Variants in AFAP1 observed in about 807,000 individuals in gnomAD.
AFAP1 encodes actin filament-associated protein 1.
In AFAP1, 75 loss-of-function variants were observed where a neutral mutation model predicts 93.9. The ratio of observed to expected loss-of-function variants is 0.80; its 90% CI spans 0.66 to 0.97. The LOEUF (loss-of-function observed/expected upper bound fraction) is 0.97. AFAP1 is among the 50% of genes least tolerant of loss of function. AFAP1 has a pLI of 0.00. For synonymous variants in AFAP1, 517 were observed against 430.7 expected, an observed-to-expected ratio of 1.20 and a Z score of -2.48; for missense variants, 1,201 against 1,050.8, an observed-to-expected ratio of 1.14 and a Z score of -1.98.
chr4:7,913,887 T>C (rs1156405427), intron 1 of AFAP1, among the ~76,000 whole-genome samples: 1 of 152,212 alleles, frequency 6.6e-6, no homozygotes, highest in Non-Finnish European at 1.5e-5. Flanking sequence ...CTTTTTCTAA[T>C]TGACACATAA....
chr4:7,861,935 C>T (rs1465809473), intron 3 of AFAP1: 1 of 152,234 alleles, frequency 6.6e-6, no homozygotes, highest in Admixed American at 6.5e-5. Flanking sequence ...CTCAAAGAGC[C>T]TCGTAATGTC....
At chr4:7,786,864 CCT>C (rs945182312) in intron 11 of AFAP1, among the ~76,000 whole-genome samples, 19 of 152,216 alleles carry the variant, frequency 1.2e-4, no homozygotes, top group African/African-American at 4.3e-4. Flanking sequence ...TTCGTGGACC[CCT>C]GTTCTATAAG....
chr4:7,918,860 G>A (rs1385505244), intron 1 of AFAP1, among the ~76,000 whole-genome samples: 1 of 140,634 alleles, frequency 7.1e-6, no homozygotes, highest in Non-Finnish European at 1.5e-5. Context: ...GCTCGGCCCA[G>A]GTCACCAGGA....
intron 3 of AFAP1, among the ~76,000 whole-genome samples, chr4:7,864,767 G>T (rs1269679915): frequency 6.6e-6 from 1 of 152,096 alleles, no homozygotes; most frequent in Non-Finnish European, 1.5e-5. Flanking sequence ...TGAAAAAAAT[G>T]AGTGCCAAAG....
intron 1 of AFAP1, among the ~76,000 whole-genome samples, chr4:7,878,363 A>G (rs1404870316): frequency 6.6e-6 from 1 of 152,208 alleles, no homozygotes; most frequent in Non-Finnish European, 1.5e-5. Context: ...GAGTCCAGGC[A>G]TTCGGATCCA....
intron 6 of AFAP1, among the ~76,000 whole-genome samples, chr4:7,821,566 T>C (rs1017599087): frequency 6.6e-6 from 1 of 152,168 alleles, no homozygotes; most frequent in South Asian, 2.1e-4. Context: ...ACAGACAAGG[T>C]TCCAGCACTT....
At chr4:7,809,480 C>A in intron 9 of AFAP1, 134 bp downstream of exon 9, 3 of 1,066,872 alleles carry the variant, frequency 2.8e-6, no homozygotes, top group Non-Finnish European at 4.0e-6. Context: ...TTCCCACTAT[C>A]TGAATGATTC....
At chr4:7,829,541 C>T (rs1484026296) in intron 6 of AFAP1, among the ~76,000 whole-genome samples, 1 of 152,170 alleles carries the variant, frequency 6.6e-6, no homozygotes. Context: ...AGAATACAGA[C>T]AAAAACAGCA....
rs757007611 is a variant in AFAP1, at chr4:7,769,007, G to C, written c.2255C>G (p.Ser752Cys). The C allele has an allele frequency of 6.2e-7, 1 of 1,605,470 alleles. No individual in the cohort carries two copies. The highest frequency in any genetic ancestry group is 8.5e-7 in the Non-Finnish European group (1 of 1,173,734). ...CAGGGTCCGGTGCCGGAACACTGGA[G>C]ACTTAACGGAGAGAGAGAACCCCAT... ...EPKSGTSSPQ[S>C]PVFRHRTLEN... The change falls in exon 17 of 18, where the codon TCT becomes TGT. Residue 752 changes from serine to cysteine, a missense_variant and splice_region_variant. Transcript: ENST00000420658.
At chr4:7,817,936 G>A (rs1175803220) in intron 7 of AFAP1, among the ~76,000 whole-genome samples, 1 of 152,090 alleles carries the variant, frequency 6.6e-6, no homozygotes, top group Non-Finnish European at 1.5e-5. Context: ...ATGTTTCTAT[G>A]AGCTTTCTGA....
intron 4 of AFAP1, 70 bp downstream of exon 4, chr4:7,855,396 A>G: frequency 8.0e-7 from 1 of 1,255,574 alleles, no homozygotes; most frequent in Non-Finnish European, 1.1e-6. Flanking sequence ...CCTACCCAGA[A>G]AGGGGACAGG....
rs759854298 is a variant in AFAP1, at chr4:7,774,742, C to T, written c.2059G>A (p.Ala687Thr). 3.4e-5 allele frequency: 55 copies of T among 1,613,872 alleles called. No homozygotes were observed. In the East Asian group the frequency reaches 8.9e-4, roughly 26 times the overall value. ...CAGTCACCCACACCCTTCATACCGG[C>T]GTTCACTTCAATAGCCGCTCGAAGG... is the stretch of plus-strand genomic sequence containing the variant. ...KDLRAAIEVN[A>T]GRKPQAILEE... Residue 687 changes from alanine (A) to threonine (T), a missense_variant, in exon 15 of 18, where the codon GCC becomes ACC. Transcript: ENST00000420658.
At chr4:7,858,225 C>A (rs1380523235) in intron 3 of AFAP1, among the ~76,000 whole-genome samples, 2 of 152,168 alleles carry the variant, frequency 1.3e-5, no homozygotes, top group African/African-American at 4.8e-5. Context: ...CTTACATATA[C>A]ACAGAGGCAG....
intron 1 of AFAP1, among the ~76,000 whole-genome samples, chr4:7,873,266 A>G (rs1481290283): frequency 1.7e-5 from 2 of 116,260 alleles, no homozygotes; most frequent in Non-Finnish European, 3.6e-5. Context: ...AAAAAACCCC[A>G]CTTTCACTTA....
At position 7,759,331 on chromosome 4, in the gene AFAP1, C is replaced by T. The variant is rs556778443; in HGVS notation, c.*4434G>A. On this transcript the variant is annotated 3_prime_UTR_variant, in exon 18 of 18. Coordinates refer to ENST00000420658, the MANE Select transcript of AFAP1 (RefSeq NM_001134647.2). The stretch of plus-strand genomic sequence containing the variant: ...TTGAGATTTTCTGGAAGACCAAAGC[C>T]GGAACTATTTCATGAACTACGGGCG... The T allele has an allele frequency of 2.9e-4, 44 of 152,714 alleles. No individual in the cohort carries two copies. The highest frequency in any genetic ancestry group is 7.5e-4 in the African/African-American group (31 of 41,554). The allele number at this position is 152,714 out of a possible 1,614,324, so 9.5% of individuals were successfully genotyped here.
chr4:7,854,795 C>G (rs1385791939), intron 4 of AFAP1, among the ~76,000 whole-genome samples: 1 of 152,102 alleles, frequency 6.6e-6, no homozygotes, highest in Non-Finnish European at 1.5e-5. Flanking sequence ...GAGATGGTAG[C>G]CCCCCGCCTG....
intron 1 of AFAP1, among the ~76,000 whole-genome samples, chr4:7,879,699 CTTTT>C (rs552211338): frequency 1.6e-5 from 2 of 121,716 alleles, no homozygotes; most frequent in East Asian, 2.4e-4. Context: ...TGCTTGCTTG[CTTTT>C]TTTTTTTTTT....
chr4:7,840,416 C>T (rs143148663), intron 5 of AFAP1, among the ~76,000 whole-genome samples: 1,555 of 150,268 alleles, frequency 0.01, 30 homozygotes, highest in African/African-American at 0.033. Flanking sequence ...TGGGTTCAAG[C>T]GATTCTCCTG....
rs1577351347 is a variant in AFAP1, at chr4:7,908,547, A to AT, written c.-3+31108dup. ...GCAGCTTTGATACCACACAGCTTAA[A>AT]TCTCAACTTGTGGATTTATCTTGTG... On this transcript the variant is annotated intron_variant, in intron 1 of 17. Coordinates refer to ENST00000420658, the MANE Select transcript of AFAP1 (RefSeq NM_001134647.2). 3.3e-5 allele frequency among the ~76,000 whole-genome samples: 5 copies of AT among 152,358 alleles called. No individual in the cohort carries two copies. The East Asian group carries it at 9.6e-4, about 29-fold the overall frequency.
Sources: allele counts gnomAD v4.1 joint callset (sites outside exome capture counted in the v4.1 genomes callset), GRCh38; gene constraint gnomAD v4.1.1; transcripts MANE v1.5; gene names NCBI Gene and HGNC (gene_info 2026-07-23, HGNC 2026-07-21).